The following RAD51B variants were observed in gnomAD, a reference collection of about 807,000 sequenced individuals.
The protein encoded by RAD51B is DNA repair protein RAD51 homolog 2.
RAD51B carries 38 observed loss-of-function variants against 42.2 expected under a neutral mutation model. That is an observed-to-expected ratio of 0.90 (90% CI 0.70 to 1.18). The LOEUF (loss-of-function observed/expected upper bound fraction) is 1.18, where lower values mean the gene tolerates loss of function less well. RAD51B is among the 50% of genes most tolerant of loss of function. The pLI is 0.00. For missense variants in RAD51B, 373 were observed against 400.7 expected (o/e 0.93, Z 0.59); for synonymous variants, 154 against 145.2 (o/e 1.06, Z -0.43).
intron 7 of RAD51B, among the ~76,000 whole-genome samples, chr14:68,268,510 C>T (rs948757372): frequency 1.3e-5 from 2 of 152,146 alleles, no homozygotes; most frequent in Non-Finnish European, 2.9e-5. Flanking sequence ...GTGGGAGTTA[C>T]GGATTCCTGG....
At chr14:68,350,034 T>TGGCATATCCA (rs1472550579) in intron 8 of RAD51B, among the ~76,000 whole-genome samples, 5 of 152,222 alleles carry the variant, frequency 3.3e-5, no homozygotes, top group African/African-American at 1.2e-4. Flanking sequence ...ACCCTGCCAT[T>TGGCATATCCA]GGCATATCCA....
At chr14:68,539,739 A>G (rs1333848915) in intron 10 of RAD51B, among the ~76,000 whole-genome samples, 2 of 152,218 alleles carry the variant, frequency 1.3e-5, no homozygotes, top group South Asian at 2.1e-4. Flanking sequence ...GCACAGAAAA[A>G]TCATTCTTTG....
intron 4 of RAD51B, among the ~76,000 whole-genome samples, chr14:67,844,252 A>G (rs561702137): frequency 6.6e-6 from 1 of 150,604 alleles, no homozygotes; most frequent in East Asian, 2.0e-4. Flanking sequence ...TAATTTGTTG[A>G]CTATTGTTTT....
chr14:68,581,224 G>C lies in RAD51B; in HGVS notation c.1037-13261G>C, dbSNP rs867631243. Among the ~76,000 whole-genome samples the C allele has an allele frequency of 2.6e-5, 4 of 152,192 alleles. No homozygotes were observed. The South Asian group carries it at 8.3e-4, about 31-fold the overall frequency. Reference sequence around the variant, plus strand: ...AAAAGTGATAGGCGGTCAGTAGAAAGTGGCACCACATTCTCCCATGATGCT... The same window carrying C: ...AAAAGTGATAGGCGGTCAGTAGAAACTGGCACCACATTCTCCCATGATGCT... On this transcript the variant is annotated intron_variant, in intron 10 of 10. Transcript: ENST00000487270.
At chr14:68,406,346 A>G (rs2084274136) in intron 8 of RAD51B, among the ~76,000 whole-genome samples, 1 of 152,226 alleles carries the variant, frequency 6.6e-6, no homozygotes, top group Non-Finnish European at 1.5e-5. Flanking sequence ...AGTATAGCCC[A>G]TTGCTCCTAG....
chr14:68,369,645 T>C (rs894343842), intron 8 of RAD51B, among the ~76,000 whole-genome samples: 1 of 152,234 alleles, frequency 6.6e-6, no homozygotes, highest in African/African-American at 2.4e-5. Flanking sequence ...TATCTTTCAC[T>C]TTCCCTATCG....
At chr14:67,996,690 G>A (rs2075391176) in intron 7 of RAD51B, among the ~76,000 whole-genome samples, 1 of 152,116 alleles carries the variant, frequency 6.6e-6, no homozygotes, top group African/African-American at 2.4e-5. Flanking sequence ...TTATGTAGGG[G>A]TTTTGTGAGG....
intron 10 of RAD51B, among the ~76,000 whole-genome samples, chr14:68,557,080 G>T (rs1287279256): frequency 1.3e-5 from 2 of 152,092 alleles, no homozygotes; most frequent in African/African-American, 2.4e-5. Flanking sequence ...AGCATCTTCG[G>T]CTCCTTTCTA....
chr14:68,441,824 A>G (rs1021694841), intron 9 of RAD51B, among the ~76,000 whole-genome samples: 1 of 152,208 alleles, frequency 6.6e-6, no homozygotes, highest in Non-Finnish European at 1.5e-5. Context: ...GCTATACCTC[A>G]GTTACTATTT....
intron 7 of RAD51B, among the ~76,000 whole-genome samples, chr14:68,021,334 T>G (rs1280492798): frequency 6.6e-6 from 1 of 152,184 alleles, no homozygotes; most frequent in Non-Finnish European, 1.5e-5. Flanking sequence ...GTCTGCAATT[T>G]CGATATTGCT....
chr14:67,953,455 G>T (rs2074490591), intron 7 of RAD51B, among the ~76,000 whole-genome samples: 1 of 152,110 alleles, frequency 6.6e-6, no homozygotes, highest in South Asian at 2.1e-4. Flanking sequence ...AAATGAGAAT[G>T]AAGATTTGAA....
At chr14:68,600,597 G>A (rs1891179382), downstream of RAD51B, among the ~76,000 whole-genome samples, 1 of 152,134 alleles carries the variant, frequency 6.6e-6, no homozygotes, top group Admixed American at 6.5e-5. Context: ...AGGGCTTTGT[G>A]GATCACCTCT....
chr14:68,178,709 G>GT (rs2079005601), intron 7 of RAD51B, among the ~76,000 whole-genome samples: 1 of 152,194 alleles, frequency 6.6e-6, no homozygotes, highest in East Asian at 1.9e-4. Flanking sequence ...TTGGCAGAAT[G>GT]TGGGTGCAAG....
chr14:67,900,011 TA>T, intron 7 of RAD51B, among the ~76,000 whole-genome samples: 1 of 152,204 alleles, frequency 6.6e-6, no homozygotes, highest in Non-Finnish European at 1.5e-5. Flanking sequence ...CTTATCATAC[TA>T]AAAACTTTTC....
At chr14:68,442,035 CCAGACTAAAT>C (rs1308620236) in intron 9 of RAD51B, among the ~76,000 whole-genome samples, 5 of 152,198 alleles carry the variant, frequency 3.3e-5, no homozygotes, top group African/African-American at 4.8e-5. Flanking sequence ...CCTGGACTTC[CCAGACTAAAT>C]CAGCAGCTTT....
intron 10 of RAD51B, among the ~76,000 whole-genome samples, chr14:68,506,599 T>C (rs1885342263): frequency 6.6e-6 from 1 of 152,222 alleles, no homozygotes; most frequent in African/African-American, 2.4e-5. Context: ...CCAGCTCCTG[T>C]GTGCTGGATC....
chr14:68,671,530 A>G (rs1228589908), intron 11 of RAD51B, among the ~76,000 whole-genome samples: 1 of 151,950 alleles, frequency 6.6e-6, no homozygotes, highest in African/African-American at 2.4e-5. Context: ...CCCATCTTCT[A>G]AGTGGTCCAG....
intron 10 of RAD51B, among the ~76,000 whole-genome samples, chr14:68,522,463 T>C (rs1463561534): frequency 6.6e-6 from 1 of 152,198 alleles, no homozygotes; most frequent in Non-Finnish European, 1.5e-5. Context: ...GTTTCTGGGA[T>C]GTCTGAATTC....
At position 67,835,695 on chromosome 14, in the gene RAD51B, AAAT is replaced by A. The variant is rs1162885330; in HGVS notation, c.315+502_315+504del. ...CAAGACCCTGTCTTTACCAAAAAAA[AAAT>A]AAAAAAAACCCAGAAACCATTTAGC... On this transcript the variant is annotated intron_variant, in intron 4 of 10. Coordinates refer to ENST00000471583, the MANE Select transcript of RAD51B (RefSeq NM_133510.4). Among the ~76,000 whole-genome samples the A allele has an allele frequency of 5.3e-5, 8 of 151,778 alleles. No individual in the cohort carries two copies. In the East Asian group the frequency reaches 1.5e-3, roughly 29 times the overall value.
Sources: allele counts gnomAD v4.1 joint callset (sites outside exome capture counted in the v4.1 genomes callset), GRCh38; gene constraint gnomAD v4.1.1; transcripts MANE v1.5; gene names NCBI Gene and HGNC (gene_info 2026-07-23, HGNC 2026-07-21).